Variants in ILDR1 observed in about 807,000 individuals in gnomAD.
ILDR1 encodes immunoglobulin like domain containing receptor 1.
Under a neutral mutation model 62.4 loss-of-function variants are expected in ILDR1, and 56 were observed. The ratio of observed to expected loss-of-function variants is 0.90; its 90% CI spans 0.72 to 1.12. The LOEUF (loss-of-function observed/expected upper bound fraction) is 1.12, where lower values mean the gene tolerates loss of function less well. Ranked by LOEUF, ILDR1 falls within the 50% of genes most tolerant of loss-of-function variation. ILDR1 has a pLI of 0.00. For synonymous variants in ILDR1, 284 were observed against 277.8 expected (o/e 1.02, Z -0.22); for missense variants, 736 against 710.6 (o/e 1.04, Z -0.41).
chr3:122,032,390 T>C, the ILDR1 span, among the ~76,000 whole-genome samples: 2 of 152,252 alleles, frequency 1.3e-5, no homozygotes, highest in East Asian at 3.8e-4. Context: ...ATTTGATTTC[T>C]GCTAATTGGC....
At chr3:122,029,178 T>C in the ILDR1 span, among the ~76,000 whole-genome samples, 1 of 152,138 alleles carries the variant, frequency 6.6e-6, no homozygotes, top group Admixed American at 6.5e-5. Flanking sequence ...TATAGTATTA[T>C]GGAAGATACA....
intron 1 of ILDR1, among the ~76,000 whole-genome samples, chr3:122,020,321 G>A (rs2071836842): frequency 1.3e-5 from 2 of 152,148 alleles, no homozygotes; most frequent in African/African-American, 2.4e-5. Context: ...GCTATTTACT[G>A]GAAGCTTTGA....
the ILDR1 span, among the ~76,000 whole-genome samples, chr3:122,042,497 C>T: frequency 1.5e-5 from 2 of 131,880 alleles, no homozygotes; most frequent in African/African-American, 5.8e-5. Flanking sequence ...GCCACACTGA[C>T]TTCCACAATG....
At chr3:122,028,163 T>TA in the ILDR1 span, among the ~76,000 whole-genome samples, 1 of 147,168 alleles carries the variant, frequency 6.8e-6, no homozygotes, top group African/African-American at 2.6e-5. Flanking sequence ...CTGTCTCTAC[T>TA]AAAAATACGG....
At chr3:122,041,913 T>C in the ILDR1 span, among the ~76,000 whole-genome samples, 1 of 150,736 alleles carries the variant, frequency 6.6e-6, no homozygotes, top group Non-Finnish European at 1.5e-5. Flanking sequence ...TCTTTTTCTT[T>C]TTTTTTTTTA....
intron 1 of ILDR1, among the ~76,000 whole-genome samples, chr3:122,018,252 G>C (rs1249159799): frequency 1.3e-5 from 2 of 152,144 alleles, no homozygotes; most frequent in African/African-American, 4.8e-5. Flanking sequence ...GGACATTGAT[G>C]AAGCTGGGAA....
the ILDR1 span, among the ~76,000 whole-genome samples, chr3:122,042,883 G>T: frequency 6.6e-6 from 1 of 151,934 alleles, no homozygotes; most frequent in African/African-American, 2.4e-5. Flanking sequence ...CACTCTGATG[G>T]TATTTTCTTT....
In ILDR1 at chr3:121,993,671, T is replaced by C; in HGVS notation, c.1078A>G (p.Arg360Gly). 2 of 1,614,150 alleles carry C rather than the reference T, an allele frequency of 1.2e-6. No homozygotes were observed. The highest frequency in any genetic ancestry group is 1.7e-6 in the Non-Finnish European group (2 of 1,179,998). The change falls in exon 7 of 8, where the codon AGG becomes GGG. Residue 360 changes from arginine (R) to glycine (G), a missense_variant. Arg to Gly is a moderately radical substitution (Grantham distance 125, BLOSUM62 -2). Transcript: ENST00000344209. Reference protein sequence around the residue: ...HQQWLTPIPSRPWDLREGRSH... With the variant: ...HQQWLTPIPSGPWDLREGRSH... Reference sequence around the variant, plus strand: ...CTCCCCTCCCTCAGATCCCAGGGCCTGGAGGGAATTGGGGTGAGCCACTGC... The same window carrying C: ...CTCCCCTCCCTCAGATCCCAGGGCCCGGAGGGAATTGGGGTGAGCCACTGC...
At chr3:122,015,657 G>A (rs188629270) in intron 1 of ILDR1, among the ~76,000 whole-genome samples, 2 of 152,274 alleles carry the variant, frequency 1.3e-5, no homozygotes, top group East Asian at 1.9e-4. Context: ...TAAGTTTCCT[G>A]AGGCCTCCCC....
At chr3:121,999,651 G>A (rs558097906) in intron 5 of ILDR1, among the ~76,000 whole-genome samples, 134 of 152,242 alleles carry the variant, frequency 8.8e-4, no homozygotes, top group African/African-American at 3.0e-3. Context: ...AAACTTTTGA[G>A]ATAAGAAATA....
At chr3:122,016,908 G>C (rs1420544868) in intron 1 of ILDR1, among the ~76,000 whole-genome samples, 2 of 152,154 alleles carry the variant, frequency 1.3e-5, no homozygotes, top group Non-Finnish European at 2.9e-5. Context: ...CTAAGTAACA[G>C]AACTCAGTGA....
At chr3:122,037,633 G>A in the ILDR1 span, among the ~76,000 whole-genome samples, 4 of 152,188 alleles carry the variant, frequency 2.6e-5, no homozygotes, top group Non-Finnish European at 5.9e-5. Flanking sequence ...TGTCTCAGAT[G>A]AAACATTGGA....
At chr3:122,012,521 C>T (rs1266484094) in intron 1 of ILDR1, among the ~76,000 whole-genome samples, 1 of 152,196 alleles carries the variant, frequency 6.6e-6, no homozygotes, top group Admixed American at 6.5e-5. Context: ...ATTAAACACT[C>T]TAGTCAACAT....
the ILDR1 span, among the ~76,000 whole-genome samples, chr3:122,035,082 C>A: frequency 6.6e-6 from 1 of 152,126 alleles, no homozygotes; most frequent in East Asian, 1.9e-4. Flanking sequence ...GTTTTCATCA[C>A]CAGGCTGGCT....
chr3:122,049,826 A>G, the ILDR1 span, among the ~76,000 whole-genome samples: 50 of 152,152 alleles, frequency 3.3e-4, no homozygotes, highest in African/African-American at 9.6e-4. Context: ...GAACTAGCTT[A>G]GGCCCTTTTT....
the ILDR1 span, chr3:122,055,434 A>G: frequency 0.029 from 46,761 of 1,585,388 alleles, 801 homozygotes; most frequent in Non-Finnish European, 0.035. Context: ...ACTAGCACAG[A>G]CACACGGATG....
At position 122,001,853 on chromosome 3, in the gene ILDR1, C is replaced by A. The variant is rs140546670; in HGVS notation, c.391G>T (p.Val131Leu). ...TCCCACCACATCACTTCATTTATCACGAGATCTGCTCCTACACAGTAAGGA... is the reference window on the plus strand; with the variant it reads ...TCCCACCACATCACTTCATTTATCAAGAGATCTGCTCCTACACAGTAAGGA... ...KITIQNRADL[V>L]INEVMWWDHG... is the part of the protein sequence containing the mutation. The change falls in exon 4 of 8, where the codon GTG becomes TTG. Residue 131 changes from valine to leucine, a missense_variant. Physicochemically the swap from Val to Leu is conservative, Grantham distance 32. Transcript: ENST00000344209. 3 of 1,613,260 alleles carry A rather than the reference C, an allele frequency of 1.9e-6. No individual in the cohort carries two copies. The highest frequency in any genetic ancestry group is 2.5e-6 in the Non-Finnish European group (3 of 1,179,974).
At chr3:122,040,617 C>A in the ILDR1 span, among the ~76,000 whole-genome samples, 1 of 151,016 alleles carries the variant, frequency 6.6e-6, no homozygotes, top group African/African-American at 2.4e-5. Flanking sequence ...CAGAAATAGA[C>A]CTACAAAAAT....
At chr3:122,040,450 T>C in the ILDR1 span, among the ~76,000 whole-genome samples, 1 of 151,670 alleles carries the variant, frequency 6.6e-6, no homozygotes, top group Non-Finnish European at 1.5e-5. Flanking sequence ...CAAACATGTT[T>C]GGAAAGGAAA....
Sources: allele counts gnomAD v4.1 joint callset (sites outside exome capture counted in the v4.1 genomes callset), GRCh38; gene constraint gnomAD v4.1.1; transcripts MANE v1.5; gene names NCBI Gene and HGNC (gene_info 2026-07-23, HGNC 2026-07-21).